POR: variants seen among roughly 807,000 people sequenced by gnomAD.
The protein encoded by POR is cytochrome p450 oxidoreductase.
A neutral mutation model predicts 84.0 loss-of-function variants in POR; 56 were observed. The ratio of observed to expected loss-of-function variants is 0.67; its 90% CI spans 0.54 to 0.83. The LOEUF (loss-of-function observed/expected upper bound fraction) is 0.83, where lower values mean the gene tolerates loss of function less well. Among genes scored for constraint, POR ranks in the 40% least tolerant of loss-of-function variants. The pLI is 0.00. For missense variants in POR, 938 were observed against 944.3 expected (o/e 0.99, Z 0.09); for synonymous variants, 414 against 400.5 (o/e 1.03, Z -0.40).
intron 1 of POR, among the ~76,000 whole-genome samples, chr7:75,943,478 T>C (rs144501324): frequency 6.6e-6 from 1 of 152,312 alleles, no homozygotes; most frequent in African/African-American, 2.4e-5. Context: ...TGAGAGCAGA[T>C]ACTGTTGACA....
intron 2 of POR, among the ~76,000 whole-genome samples, chr7:75,961,125 C>T (rs958814067): frequency 1.1e-4 from 17 of 151,486 alleles, no homozygotes; most frequent in African/African-American, 4.1e-4. Context: ...CCCAGCTACT[C>T]GGGAGGCTGA....
In POR at chr7:75,932,717, G is replaced by A. The variant is rs150118658; in HGVS notation, c.-5+17538G>A. On this transcript the variant is annotated intron_variant, in intron 1 of 15. Coordinates refer to ENST00000461988, the MANE Select transcript of POR (RefSeq NM_000941.3). Reference sequence around the variant, plus strand: ...TAGAACAAAATTATATGTAGTATAAGACCGATCATGTTAAAAACATGGGCG... The same window carrying A: ...TAGAACAAAATTATATGTAGTATAAAACCGATCATGTTAAAAACATGGGCG... 6.7e-3 allele frequency among the ~76,000 whole-genome samples: 1,013 copies of A among 152,000 alleles called. 8 individuals are homozygous for A. Among genetic ancestry groups the A allele is most frequent in the African/African-American group, 0.02 (845 of 41,468 alleles).
At chr7:75,929,721 G>A (rs1191693670) in intron 1 of POR, among the ~76,000 whole-genome samples, 1 of 152,208 alleles carries the variant, frequency 6.6e-6, no homozygotes, top group Non-Finnish European at 1.5e-5. Context: ...TCAGCTTGTG[G>A]AAGAGCTGAT....
At chr7:75,977,649 G>C (rs1554557036) in intron 3 of POR, among the ~76,000 whole-genome samples, 1 of 152,132 alleles carries the variant, frequency 6.6e-6, no homozygotes, top group Non-Finnish European at 1.5e-5. Context: ...ATAGTGGTGG[G>C]TGCCTGTAAT....
intron 1 of POR, among the ~76,000 whole-genome samples, chr7:75,930,970 G>GC (rs1274806323): frequency 6.6e-6 from 1 of 152,028 alleles, no homozygotes; most frequent in Non-Finnish European, 1.5e-5. Flanking sequence ...CTACAGGTGT[G>GC]CACCACCACA....
At position 75,980,368 on chromosome 7, in the gene POR, C is replaced by A. The variant is rs1554557534; in HGVS notation, c.396C>A (p.Asp132Glu). 6.2e-7 allele frequency: 1 copy of A among 1,613,172 alleles called. No individual in the cohort carries two copies. The highest frequency in any genetic ancestry group is 8.5e-7 in the Non-Finnish European group (1 of 1,179,836). ...ACCTGAGCAGCCTGCCAGAGATCGA[C>A]AACGCCCTGGTGGTTTTCTGCATGG... Residue 132 changes from aspartate to glutamate, a missense_variant, in exon 5 of 16, where the codon GAC (aspartate) becomes GAA (glutamate). Coordinates refer to ENST00000461988, the MANE Select transcript of POR (RefSeq NM_000941.3).
chr7:75,958,640 T>A (rs1378026441), intron 2 of POR, among the ~76,000 whole-genome samples: 1 of 152,140 alleles, frequency 6.6e-6, no homozygotes, highest in Non-Finnish European at 1.5e-5. Context: ...ATGCTGCTCC[T>A]AATTTAGTGT....
At chr7:75,922,355 A>G (rs1241444130) in intron 1 of POR, among the ~76,000 whole-genome samples, 1 of 136,382 alleles carries the variant, frequency 7.3e-6, no homozygotes, top group Non-Finnish European at 1.5e-5. Flanking sequence ...AGAGCCTGTC[A>G]CTCTGTCGCC....
chr7:75,923,400 T>C, intron 1 of POR: 1 of 705,002 alleles, frequency 1.4e-6, no homozygotes, highest in Non-Finnish European at 2.6e-6. Context: ...CACCTCCATC[T>C]TCTTGGGGGT....
intron 1 of POR, among the ~76,000 whole-genome samples, chr7:75,941,115 A>G (rs1807959755): frequency 6.6e-6 from 1 of 152,048 alleles, no homozygotes; most frequent in South Asian, 2.1e-4. Context: ...GGTGCAGTGA[A>G]CTATGCTACT....
At position 75,953,982 on chromosome 7, in the gene POR, C is replaced by G; in HGVS notation, c.-4-7C>G. 6.4e-7 allele frequency: 1 copy of G among 1,572,018 alleles called. No individual in the cohort carries two copies. Among genetic ancestry groups the G allele is most frequent in the Non-Finnish European group, 8.6e-7 (1 of 1,157,304 alleles). On this transcript the variant is annotated splice_region_variant and splice_polypyrimidine_tract_variant and intron_variant, in intron 1 of 15. Coordinates refer to ENST00000461988, the MANE Select transcript of POR (RefSeq NM_000941.3). ...TGCTGACATCTGCTGTTTCTGTCTC[C>G]TAACAGTTTCATGATCAACATGGGA...
At chr7:75,977,079 C>A (rs1373866267) in intron 3 of POR, among the ~76,000 whole-genome samples, 2 of 152,178 alleles carry the variant, frequency 1.3e-5, no homozygotes, top group African/African-American at 4.8e-5. Context: ...TCTCAAACTC[C>A]TGGGCTCAAG....
chr7:75,982,551 A>G (rs1226256326), intron 8 of POR, among the ~76,000 whole-genome samples: 2 of 152,228 alleles, frequency 1.3e-5, no homozygotes. Flanking sequence ...TGCCCAGGGC[A>G]GCGGGGCACA....
rs190704064 is a variant in POR, at chr7:75,929,110, G to A, written c.-5+13931G>A. 5.1e-4 allele frequency among the ~76,000 whole-genome samples: 77 copies of A among 152,228 alleles called. 1 individual carries two copies. Among genetic ancestry groups the A allele is most frequent in the Admixed American group, 4.8e-3 (73 of 15,274 alleles). On this transcript the variant is annotated intron_variant, in intron 1 of 15. Transcript: ENST00000461988. ...ATGCTTTTATAGACACCGCATGACC[G>A]TCCTTAGTCACCATAGCGATGGGAT...
chr7:75,946,605 G>A (rs1554552162), intron 1 of POR, among the ~76,000 whole-genome samples: 1 of 152,148 alleles, frequency 6.6e-6, no homozygotes, highest in African/African-American at 2.4e-5. Context: ...TAATTTTACA[G>A]ATGAGAACAT....
rs370326231 is a variant in POR, at chr7:75,985,671, G to T, written c.1491G>T (p.Leu497=). The T allele has an allele frequency of 3.5e-5, 55 of 1,594,150 alleles. No homozygotes were observed. The African/African-American group carries it at 6.0e-4, about 17-fold the overall frequency. The stretch of plus-strand genomic sequence containing the variant: ...ACAAGGGCGTGGCCACCAACTGGCT[G>T]CGGGCCAAGGAGCCTGCCGGGGAGA... The change falls in exon 13 of 16, where the codon CTG becomes CTT. Residue 497 remains leucine (L), a synonymous_variant. Transcript: ENST00000461988.
At chr7:75,930,369 C>T (rs1465900868) in intron 1 of POR, among the ~76,000 whole-genome samples, 2 of 152,128 alleles carry the variant, frequency 1.3e-5, no homozygotes, top group African/African-American at 2.4e-5. Flanking sequence ...GTAGTCCCAG[C>T]TCCTCGGGAG....
intron 2 of POR, among the ~76,000 whole-genome samples, chr7:75,963,459 T>C (rs1472654301): frequency 6.6e-6 from 1 of 152,230 alleles, no homozygotes; most frequent in Non-Finnish European, 1.5e-5. Flanking sequence ...GGGAGGTTTC[T>C]GTCACTCTGA....
In POR at chr7:75,982,237, G is replaced by C. The variant is rs782428590; in HGVS notation, c.745G>C (p.Glu249Gln). The C allele has an allele frequency of 6.2e-7, 1 of 1,611,496 alleles. No homozygotes were observed. The highest frequency in any genetic ancestry group is 1.1e-5 in the South Asian group (1 of 90,502). ...TCCCCTTTCCAGCATTCGCCAGTAC[G>C]AGCTTGTGGTCCACACCGACATAGA... The change falls in exon 8 of 16, where the codon GAG becomes CAG. Residue 249 changes from glutamate to glutamine, a missense_variant. Transcript: ENST00000461988.
Sources: gnomAD v4.1 joint callset for allele counts (sites outside exome capture counted in the v4.1 genomes callset) on GRCh38, gnomAD v4.1.1 for gene constraint, MANE v1.5 for transcripts, NCBI Gene and HGNC (gene_info 2026-07-23, HGNC 2026-07-21) for gene names.